The following SPOCK1 variants were observed in gnomAD, a reference collection of about 807,000 sequenced individuals.
The protein encoded by SPOCK1 is SPARC (osteonectin), cwcv and kazal like domains proteoglycan 1, also known as testican-1.
A neutral mutation model predicts 55.3 loss-of-function variants in SPOCK1; 23 were observed. The observed-to-expected ratio is 0.42, with a 90% CI of 0.30 to 0.59. The LOEUF (loss-of-function observed/expected upper bound fraction) is 0.59, where lower values mean the gene tolerates loss of function less well. Ranked by LOEUF, SPOCK1 falls within the 20% of genes least tolerant of loss-of-function variation. The pLI is 0.22. For synonymous variants in SPOCK1, 226 were observed against 221.0 expected, an observed-to-expected ratio of 1.02 and a Z score of -0.20; for missense variants, 499 against 552.5, an observed-to-expected ratio of 0.90 and a Z score of 0.97.
intron 2 of SPOCK1, among the ~76,000 whole-genome samples, chr5:137,281,703 C>T (rs1447987148): frequency 6.6e-6 from 1 of 152,206 alleles, no homozygotes; most frequent in African/African-American, 2.4e-5. Flanking sequence ...GCTCAGCTAT[C>T]TCATCTAATT....
At chr5:137,342,229 G>A (rs1750447153) in intron 2 of SPOCK1, among the ~76,000 whole-genome samples, 1 of 152,140 alleles carries the variant, frequency 6.6e-6, no homozygotes, top group Non-Finnish European at 1.5e-5. Context: ...CTCCTTGCTA[G>A]GTATGCCATT....
intron 3 of SPOCK1, among the ~76,000 whole-genome samples, chr5:137,243,259 T>G (rs1756323259): frequency 1.3e-5 from 2 of 152,180 alleles, no homozygotes; most frequent in Non-Finnish European, 2.9e-5. Context: ...GCTGAGGCCT[T>G]AAGATGCCCA....
At position 137,140,598 on chromosome 5, in the gene SPOCK1, C is replaced by G. The variant is rs776228974; in HGVS notation, c.329G>C (p.Arg110Pro). 4.6e-5 allele frequency: 74 copies of G among 1,613,066 alleles called. No individual in the cohort carries two copies. Among genetic ancestry groups the G allele is most frequent in the Non-Finnish European group, 6.1e-5 (72 of 1,179,674 alleles). The change falls in exon 4 of 11, where the codon CGC becomes CCC. Residue 110 changes from arginine (R) to proline (P), a missense_variant. This residue lies in a region of SPOCK1 where 386 missense variants were observed against 400.6 expected (regional missense o/e 0.96). Transcript: ENST00000394945. Reference sequence around the variant, plus strand: ...GCCTTACCTGGGGAGCAGGTGCTTGCGGCTGACACACAGGGCGGTCTGGTA... The same window carrying G: ...GCCTTACCTGGGGAGCAGGTGCTTGGGGCTGACACACAGGGCGGTCTGGTA... ...QDYQTALCVS[R>P]KHLLPRQKKG...
intron 3 of SPOCK1, among the ~76,000 whole-genome samples, chr5:137,193,068 T>C (rs1026362972): frequency 7.2e-5 from 11 of 152,112 alleles, no homozygotes; most frequent in African/African-American, 2.7e-4. Context: ...AGATACAAAG[T>C]TGCATTTTTA....
intron 2 of SPOCK1, among the ~76,000 whole-genome samples, chr5:137,268,298 C>T (rs1450859758): frequency 6.6e-6 from 1 of 152,174 alleles, no homozygotes; most frequent in Non-Finnish European, 1.5e-5. Flanking sequence ...AGGAAATAAA[C>T]AGCTTCCTCT....
At chr5:137,232,298 T>G (rs891872596) in intron 3 of SPOCK1, among the ~76,000 whole-genome samples, 1 of 152,242 alleles carries the variant, frequency 6.6e-6, no homozygotes, top group African/African-American at 2.4e-5. Context: ...AATGTTTTTT[T>G]CCTAAAAGTT....
At chr5:137,432,666 A>G (rs1208326711) in intron 2 of SPOCK1, among the ~76,000 whole-genome samples, 1 of 152,256 alleles carries the variant, frequency 6.6e-6, no homozygotes, top group African/African-American at 2.4e-5. Flanking sequence ...GGAGCTAGAC[A>G]GTGGTGATGG....
At chr5:137,486,906 G>C (rs1330399187) in intron 2 of SPOCK1, among the ~76,000 whole-genome samples, 1 of 152,216 alleles carries the variant, frequency 6.6e-6, no homozygotes. Flanking sequence ...TCATGACAAG[G>C]CTGGCTGACT....
intron 6 of SPOCK1, among the ~76,000 whole-genome samples, chr5:137,014,512 T>C (rs1342647187): frequency 6.6e-6 from 1 of 152,170 alleles, no homozygotes; most frequent in Non-Finnish European, 1.5e-5. Context: ...GGCATCAAGA[T>C]TTGGAGTTTT....
intron 3 of SPOCK1, among the ~76,000 whole-genome samples, chr5:137,158,175 C>T (rs1306237077): frequency 6.6e-6 from 1 of 152,198 alleles, no homozygotes; most frequent in East Asian, 1.9e-4. Flanking sequence ...CTGCCTCTCC[C>T]CATCCTGGTG....
At chr5:137,254,715 T>C (rs1331843044) in intron 3 of SPOCK1, among the ~76,000 whole-genome samples, 1 of 152,246 alleles carries the variant, frequency 6.6e-6, no homozygotes, top group East Asian at 1.9e-4. Flanking sequence ...ACATTCTTAA[T>C]CCATCATTTG....
In SPOCK1 at chr5:137,067,704, C is replaced by T. The variant is rs769031731; in HGVS notation, c.589+11G>A. On this transcript the variant is annotated intron_variant, in intron 6 of 10. Transcript: ENST00000394945. Reference sequence around the variant, plus strand: ...CTGCCCACGAATTCTCTGAAGGAAACCCTCACTCACCACTCCTTTCTGCCT... The same window carrying T: ...CTGCCCACGAATTCTCTGAAGGAAATCCTCACTCACCACTCCTTTCTGCCT... 6.2e-7 allele frequency: 1 copy of T among 1,612,068 alleles called. No individual in the cohort carries two copies. Among genetic ancestry groups the T allele is most frequent in the Non-Finnish European group, 8.5e-7 (1 of 1,178,254 alleles).
chr5:137,084,954 CAAA>C (rs10568473), intron 5 of SPOCK1, among the ~76,000 whole-genome samples: 3 of 114,246 alleles, frequency 2.6e-5, no homozygotes, highest in Admixed American at 9.6e-5. Flanking sequence ...TTATACAAAG[CAAA>C]AAAAAAAAAA....
intron 2 of SPOCK1, among the ~76,000 whole-genome samples, chr5:137,273,733 G>C (rs186882752): frequency 5.6e-4 from 86 of 152,252 alleles, no homozygotes; most frequent in African/African-American, 1.8e-3. Flanking sequence ...TTTCAAATGA[G>C]TAATTGCCTG....
chr5:137,257,018 G>A (rs145266217), intron 3 of SPOCK1, among the ~76,000 whole-genome samples: 268 of 152,176 alleles, frequency 1.8e-3, no homozygotes, highest in African/African-American at 6.2e-3. Flanking sequence ...CATAACCATC[G>A]TCAGCTAGAG....
intron 2 of SPOCK1, among the ~76,000 whole-genome samples, chr5:137,371,001 T>C (rs1251823209): frequency 2.0e-5 from 3 of 152,206 alleles, no homozygotes; most frequent in Non-Finnish European, 4.4e-5. Flanking sequence ...ATGGCCACCA[T>C]GTACTGCACT....
intron 3 of SPOCK1, among the ~76,000 whole-genome samples, chr5:137,179,577 T>G (rs1754927096): frequency 6.6e-6 from 1 of 152,144 alleles, no homozygotes; most frequent in Non-Finnish European, 1.5e-5. Flanking sequence ...ACCACCTTTT[T>G]GACCAAAAAT....
intron 2 of SPOCK1, among the ~76,000 whole-genome samples, chr5:137,369,803 T>C (rs1229705): frequency 0.21 from 32,453 of 152,006 alleles, 3,549 homozygotes; most frequent in South Asian, 0.28. Context: ...GGAAGCAAGG[T>C]CTCTGATGTC....
chr5:137,038,120 A>G (rs1057464422), intron 6 of SPOCK1, among the ~76,000 whole-genome samples: 1 of 152,180 alleles, frequency 6.6e-6, no homozygotes, highest in African/African-American at 2.4e-5. Context: ...TGAAGAAAGA[A>G]ATGCCACTGA....
Sources: allele counts gnomAD v4.1 joint callset (sites outside exome capture counted in the v4.1 genomes callset), GRCh38; gene constraint gnomAD v4.1.1; regional missense constraint gnomAD v4.1.1; transcripts MANE v1.5; gene names NCBI Gene and HGNC (gene_info 2026-07-23, HGNC 2026-07-21).